CLYBL: variants seen among roughly 807,000 people sequenced by gnomAD.
CLYBL encodes the protein citramalyl-CoA lyase.
Under a neutral mutation model 38.9 loss-of-function variants are expected in CLYBL, and 31 were observed. The ratio of observed to expected loss-of-function variants is 0.80; its 90% confidence interval spans 0.60 to 1.08. The LOEUF (loss-of-function observed/expected upper bound fraction) is 1.08. Among genes scored for constraint, CLYBL ranks in the 50% least tolerant of loss-of-function variants. The pLI is 0.00. For synonymous variants in CLYBL, 171 were observed against 158.6 expected (o/e 1.08, Z -0.59); for missense variants, 434 against 411.6 (o/e 1.05, Z -0.47).
At chr13:99,785,986 C>T (rs1344718628) in intron 2 of CLYBL, among the ~76,000 whole-genome samples, 1 of 152,076 alleles carries the variant, frequency 6.6e-6, no homozygotes, top group Non-Finnish European at 1.5e-5. Context: ...ATTCCTCCCT[C>T]TCCACCTTGT....
At chr13:99,625,603 G>A (rs2139217240) in intron 1 of CLYBL, among the ~76,000 whole-genome samples, 1 of 152,322 alleles carries the variant, frequency 6.6e-6, no homozygotes, top group Non-Finnish European at 1.5e-5. Flanking sequence ...CTGGGTTTTA[G>A]GAAGGACAAG....
chr13:99,787,136 T>C (rs2049813039), intron 2 of CLYBL, among the ~76,000 whole-genome samples: 1 of 152,200 alleles, frequency 6.6e-6, no homozygotes, highest in Non-Finnish European at 1.5e-5. Flanking sequence ...GCAAAAATTT[T>C]CTCCCATTCT....
In CLYBL at chr13:99,712,969, G is replaced by A. The variant is rs147234182; in HGVS notation, c.63-59855G>A. Among the ~76,000 whole-genome samples, 376 of 152,228 alleles carry A rather than the reference G, an allele frequency of 2.5e-3. 3 individuals carry two copies. The highest frequency in any genetic ancestry group is 8.8e-3 in the African/African-American group (364 of 41,556). ...TAGTAGTTATGTGAAAAGAGGGTTC[G>A]TGAAAGTTAAATGTTTTTGAGGCTA... is the stretch of plus-strand genomic sequence containing the variant. On this transcript the variant is annotated intron_variant, in intron 1 of 8. Coordinates refer to ENST00000339105, the MANE Select transcript of CLYBL (RefSeq NM_206808.5).
At chr13:99,636,803 T>G (rs1430261968) in intron 1 of CLYBL, among the ~76,000 whole-genome samples, 1 of 152,154 alleles carries the variant, frequency 6.6e-6, no homozygotes, top group African/African-American at 2.4e-5. Flanking sequence ...CTGGATTCTC[T>G]CCATGCCTTC....
intron 1 of CLYBL, among the ~76,000 whole-genome samples, chr13:99,607,805 G>T (rs953458794): frequency 1.5e-4 from 23 of 152,244 alleles, no homozygotes; most frequent in African/African-American, 5.5e-4. Context: ...GTACAGTGGT[G>T]TAATCTCGGC....
chr13:99,651,330 T>C (rs1421620554), intron 1 of CLYBL, among the ~76,000 whole-genome samples: 1 of 152,204 alleles, frequency 6.6e-6, no homozygotes, highest in Non-Finnish European at 1.5e-5. Context: ...TCCCAGCACT[T>C]GGGGAAGCCA....
At chr13:99,877,711 G>C (rs143322914) in intron 7 of CLYBL, 7 of 283,758 alleles carry the variant, frequency 2.5e-5, no homozygotes, top group Non-Finnish European at 4.1e-5. Flanking sequence ...TGAGTAGCTA[G>C]GATTACAGGC....
At chr13:99,723,981 G>A (rs1279932003) in intron 1 of CLYBL, among the ~76,000 whole-genome samples, 1 of 152,156 alleles carries the variant, frequency 6.6e-6, no homozygotes, top group Non-Finnish European at 1.5e-5. Context: ...ACCATTGTCT[G>A]AGCTCCTTTC....
intron 1 of CLYBL, among the ~76,000 whole-genome samples, chr13:99,740,190 C>T (rs1373637101): frequency 2.0e-5 from 3 of 152,198 alleles, no homozygotes; most frequent in Admixed American, 6.5e-5. Context: ...GCTCTATCTT[C>T]GCCTTCTCTG....
rs868479301 is a variant in CLYBL at position 99,768,155 on chromosome 13, G to A, written c.63-4669G>A. On this transcript the variant is annotated intron_variant, in intron 1 of 8. Coordinates refer to ENST00000339105, the MANE Select transcript of CLYBL (RefSeq NM_206808.5). ...TATGCTGAGGAAAATATAAGCCTGA[G>A]GTATAAATGTAAGGTCTCCTCAAGT... Among the ~76,000 whole-genome samples the A allele has an allele frequency of 2.0e-5, 3 of 150,638 alleles. No homozygotes were observed. The South Asian group carries it at 6.3e-4, about 32-fold the overall frequency.
At chr13:99,648,329 C>T (rs956657724) in intron 1 of CLYBL, among the ~76,000 whole-genome samples, 7 of 152,060 alleles carry the variant, frequency 4.6e-5, no homozygotes, top group African/African-American at 7.2e-5. Context: ...CAGAAGGCTC[C>T]GAATGTTCAT....
chr13:99,680,848 G>A (rs1347951106), intron 1 of CLYBL, among the ~76,000 whole-genome samples: 1 of 152,194 alleles, frequency 6.6e-6, no homozygotes, highest in East Asian at 1.9e-4. Flanking sequence ...AACCTTAGTA[G>A]CATTAGCATC....
chr13:99,679,304 A>AAAAAAAG (rs1555351594), intron 1 of CLYBL, among the ~76,000 whole-genome samples: 3 of 137,738 alleles, frequency 2.2e-5, no homozygotes, highest in Non-Finnish European at 4.6e-5. Flanking sequence ...AAAAAAAAAA[A>AAAAAAAG]AAAAGAAAAG....
At chr13:99,706,016 C>T (rs1050514102) in intron 1 of CLYBL, among the ~76,000 whole-genome samples, 1 of 151,896 alleles carries the variant, frequency 6.6e-6, no homozygotes, top group Non-Finnish European at 1.5e-5. Context: ...ACTGCAACCT[C>T]CGCCTCCTGG....
chr13:99,816,383 A>G (rs2050449242), intron 2 of CLYBL, among the ~76,000 whole-genome samples: 1 of 152,246 alleles, frequency 6.6e-6, no homozygotes, highest in South Asian at 2.1e-4. Context: ...CTGGCTCTCA[A>G]TGACTGTGCC....
chr13:99,753,707 A>G (rs1429860322), intron 1 of CLYBL, among the ~76,000 whole-genome samples: 1 of 152,220 alleles, frequency 6.6e-6, no homozygotes, highest in African/African-American at 2.4e-5. Context: ...TTGAATTTAA[A>G]GAGTGATGTT....
chr13:99,662,549 T>G (rs1157506543), intron 1 of CLYBL, among the ~76,000 whole-genome samples: 3 of 146,462 alleles, frequency 2.0e-5, no homozygotes, highest in Admixed American at 1.4e-4. Flanking sequence ...GTAATTATAG[T>G]GAGTCAGAAA....
rs1555316709 is a variant in CLYBL, at chr13:99,842,705, CT to C, written c.250-16148del. ...AATGGGAGTTTAAATCTGTACAGCC[CT>C]TTTTTTTAAAAAAAAAAGCAATTTT... is the stretch of plus-strand genomic sequence containing the variant. On this transcript the variant is annotated intron_variant, in intron 2 of 8. Transcript: ENST00000339105. Among the ~76,000 whole-genome samples, 269 of 114,686 alleles carry C rather than the reference CT, an allele frequency of 2.3e-3. 1 individual carries two copies. Among genetic ancestry groups the C allele is most frequent in the African/African-American group, 6.7e-3 (230 of 34,186 alleles). 75.2% of individuals were successfully genotyped at this position (114,686 alleles called of 152,430 possible). A position where few individuals can be genotyped will look rare whatever the true frequency, so the allele number is the denominator to read the frequency against.
intron 2 of CLYBL, among the ~76,000 whole-genome samples, chr13:99,785,257 G>C (rs895998730): frequency 7.7e-6 from 1 of 130,132 alleles, no homozygotes; most frequent in Non-Finnish European, 1.5e-5. Flanking sequence ...CACCCAGGCT[G>C]GAATGCAGTT....
Sources: gnomAD v4.1 joint callset for allele counts (sites outside exome capture counted in the v4.1 genomes callset) on GRCh38, gnomAD v4.1.1 for gene constraint, MANE v1.5 for transcripts, NCBI Gene and HGNC (gene_info 2026-07-23, HGNC 2026-07-21) for gene names.